The following LIPH variants were observed in gnomAD, a reference collection of about 807,000 sequenced individuals.
LIPH encodes lipase H, also known as lipase member H.
A neutral mutation model predicts 47.6 loss-of-function variants in LIPH; 32 were observed. The ratio of observed to expected loss-of-function variants is 0.67; its 90% CI spans 0.51 to 0.90. The LOEUF is 0.90. LIPH is among the 40% of genes least tolerant of loss of function. The pLI is 0.00. For missense variants in LIPH, 497 were observed against 541.4 expected (o/e 0.92, Z 0.81); for synonymous variants, 190 against 195.6 (o/e 0.97, Z 0.24).
intron 6 of LIPH, 79 bp downstream of exon 6, chr3:185,519,063 A>C: frequency 8.1e-7 from 1 of 1,235,526 alleles, no homozygotes; most frequent in Non-Finnish European, 1.2e-6. Context: ...GCCAGTTTTT[A>C]CATGATAAAG....
chr3:185,541,733 G>C (rs1389996127), intron 1 of LIPH, among the ~76,000 whole-genome samples: 1 of 147,450 alleles, frequency 6.8e-6, no homozygotes, highest in Non-Finnish European at 1.5e-5. Flanking sequence ...TTGGTTTTTG[G>C]TGTTTTATTT....
At chr3:185,510,656 G>A (rs559892668) in intron 9 of LIPH, among the ~76,000 whole-genome samples, 5 of 152,282 alleles carry the variant, frequency 3.3e-5, no homozygotes, top group African/African-American at 1.2e-4. Flanking sequence ...AAAGGCGGGC[G>A]GATACTTGAG....
intron 4 of LIPH, among the ~76,000 whole-genome samples, chr3:185,526,552 G>A (rs149334470): frequency 0.022 from 1,942 of 89,914 alleles, 24 homozygotes; most frequent in African/African-American, 0.046. Flanking sequence ...AATAAAATAA[G>A]ATAAGATAAG....
chr3:185,509,191 T>C (rs977055249), intron 9 of LIPH, among the ~76,000 whole-genome samples: 2 of 151,682 alleles, frequency 1.3e-5, no homozygotes, highest in Non-Finnish European at 2.9e-5. Context: ...CTCAGGAGGC[T>C]AAGGCAGTAC....
chr3:185,515,307 TAA>T (rs1553820561), intron 7 of LIPH, among the ~76,000 whole-genome samples: 1 of 145,882 alleles, frequency 6.9e-6, no homozygotes. Context: ...TGGGTTTTTT[TAA>T]AAAAAAAAAA....
At position 185,514,801 on chromosome 3, in the gene LIPH, T is replaced by C. The variant is rs536335136; in HGVS notation, c.983-280A>G. On this transcript the variant is annotated intron_variant, in intron 7 of 9. Coordinates refer to ENST00000296252, the MANE Select transcript of LIPH (RefSeq NM_139248.3). ...AGGTATTGTGAAGTCTTAGGGCTTA[T>C]GGCTGAGTGTGGTTCACATCAATTC... Among the ~76,000 whole-genome samples the C allele has an allele frequency of 5.3e-5, 8 of 152,344 alleles. No individual in the cohort carries two copies. In the South Asian group the frequency reaches 1.7e-3, roughly 32 times the overall value.
At position 185,531,706 on chromosome 3, in the gene LIPH, T is replaced by A. The variant is rs1720337466; in HGVS notation, c.526+1865A>T. Reference sequence around the variant, plus strand: ...GGCCAACCTGGGCAACAACATGAGATCCCATCACTAAATTAAAAAAATTAA... The same window carrying A: ...GGCCAACCTGGGCAACAACATGAGAACCCATCACTAAATTAAAAAAATTAA... On this transcript the variant is annotated intron_variant, in intron 3 of 9. Transcript: ENST00000296252. Among the ~76,000 whole-genome samples the A allele has an allele frequency of 5.9e-5, 9 of 151,676 alleles. 1 individual carries two copies. In the South Asian group the frequency reaches 1.9e-3, roughly 32 times the overall value.
At chr3:185,527,100 G>T (rs954534980) in intron 4 of LIPH, among the ~76,000 whole-genome samples, 2 of 152,096 alleles carry the variant, frequency 1.3e-5, no homozygotes, top group East Asian at 1.9e-4. Flanking sequence ...TTAGCCAGGC[G>T]TGGCGGCGTG....
At chr3:185,523,018 A>T (rs937307076) in intron 5 of LIPH, among the ~76,000 whole-genome samples, 5 of 152,182 alleles carry the variant, frequency 3.3e-5, no homozygotes, top group Admixed American at 6.5e-5. Context: ...TTACTCTCTG[A>T]AAATGTGACT....
intron 3 of LIPH, among the ~76,000 whole-genome samples, chr3:185,529,917 A>G (rs928699220): frequency 5.1e-5 from 2 of 39,488 alleles, no homozygotes; most frequent in Non-Finnish European, 1.2e-4. Flanking sequence ...AAAGAAAGAA[A>G]GAAAGAAAGA....
At chr3:185,526,159 G>A (rs544618009) in intron 4 of LIPH, among the ~76,000 whole-genome samples, 4 of 151,708 alleles carry the variant, frequency 2.6e-5, no homozygotes, top group South Asian at 2.1e-4. Flanking sequence ...TGGGAGGATC[G>A]ATTGATCAGC....
chr3:185,507,524 C>T lies in LIPH; in HGVS notation c.*1266G>A, dbSNP rs1719418033. The T allele has an allele frequency of 6.6e-6, 1 of 152,218 alleles. No homozygotes were observed. The highest frequency in any genetic ancestry group is 2.4e-5 in the African/African-American group (1 of 41,448). 9.4% of individuals were successfully genotyped at this position (152,218 alleles called of 1,614,324 possible). A position where few individuals can be genotyped will look rare whatever the true frequency, so the allele number is the denominator to read the frequency against. On this transcript the variant is annotated 3_prime_UTR_variant, in exon 10 of 10. Coordinates refer to ENST00000296252, the MANE Select transcript of LIPH (RefSeq NM_139248.3). ...ACAGCCATGGGACAGATCATGCCTC[C>T]CCTCACACTGGGCATCTGGCCCCAG...
In LIPH at chr3:185,509,648, A is replaced by T. The variant is rs374045568; in HGVS notation, c.1269-771T>A. Among the ~76,000 whole-genome samples the T allele has an allele frequency of 1.6e-4, 25 of 152,326 alleles. No homozygotes were observed. The South Asian group carries it at 4.8e-3, about 29-fold the overall frequency. The stretch of plus-strand genomic sequence containing the variant: ...ACTCCGTACCAAAAAAGAAAGAAAG[A>T]TGTAAAATTGTATTTACCATGTAAG... On this transcript the variant is annotated intron_variant, in intron 9 of 9. Coordinates refer to ENST00000296252, the MANE Select transcript of LIPH (RefSeq NM_139248.3).
At position 185,519,301 on chromosome 3, in the gene LIPH, A is replaced by G; in HGVS notation, c.727T>C (p.Tyr243His). 1 of 1,611,916 alleles carries G rather than the reference A, an allele frequency of 6.2e-7. No homozygotes were observed. The highest frequency in any genetic ancestry group is 1.7e-5 in the Admixed American group (1 of 60,024). ...GACCTCTGGTGGTCACATTTAAAAT[A>G]CTGAAATCCTTGGTTGTAAAAGAAG... ...CPKTILGGFQ[Y>H]FKCDHQRSVY... is the part of the protein sequence containing the mutation. Residue 243 changes from tyrosine (Y) to histidine (H), a missense_variant, in exon 6 of 10, where the codon TAT becomes CAT. Tyr to His is a moderately conservative substitution (Grantham distance 83). Transcript: ENST00000296252.
chr3:185,528,040 T>C (rs754288193), intron 3 of LIPH, among the ~76,000 whole-genome samples: 68 of 151,522 alleles, frequency 4.5e-4, no homozygotes, highest in Admixed American at 2.6e-3. Context: ...CTGGCCAACA[T>C]GGTGAAATCC....
At position 185,508,599 on chromosome 3, in the gene LIPH, C is replaced by T; in HGVS notation, c.*191G>A. The T allele has an allele frequency of 1.7e-6, 1 of 603,184 alleles. No individual in the cohort carries two copies. The highest frequency in any genetic ancestry group is 3.0e-6 in the Non-Finnish European group (1 of 337,456). 37.4% of individuals were successfully genotyped at this position (603,184 alleles called of 1,614,324 possible). ...ATTTCTGACTTGCCCTAGTTAGGGGCTCCTTCCCAGGATCGTTTTATAATC... is the reference window on the plus strand; with the variant it reads ...ATTTCTGACTTGCCCTAGTTAGGGGTTCCTTCCCAGGATCGTTTTATAATC... On this transcript the variant is annotated 3_prime_UTR_variant, in exon 10 of 10. Transcript: ENST00000296252.
Position 185,533,619 on chromosome 3 carries a change from A to T in LIPH, c.478T>A (p.Ser160Thr). 1.2e-6 allele frequency: 2 copies of T among 1,614,018 alleles called. No individual in the cohort carries two copies. Among genetic ancestry groups the T allele is most frequent in the Non-Finnish European group, 1.7e-6 (2 of 1,179,932 alleles). ...MIGVSLGAHI[S>T]GFVGEMYDGW... Reference sequence around the variant, plus strand: ...TCGTACATCTCTCCAACAAACCCAGATATGTGGGCTCCTAGACTTACTCCG... The same window carrying T: ...TCGTACATCTCTCCAACAAACCCAGTTATGTGGGCTCCTAGACTTACTCCG... The change falls in exon 3 of 10, where the codon TCT (serine) becomes ACT (threonine). Residue 160 changes from serine (S) to threonine (T), a missense_variant. Coordinates refer to ENST00000296252, the MANE Select transcript of LIPH (RefSeq NM_139248.3).
At chr3:185,545,469 C>T (rs1004021153) in intron 1 of LIPH, among the ~76,000 whole-genome samples, 2 of 152,106 alleles carry the variant, frequency 1.3e-5, no homozygotes, top group Non-Finnish European at 2.9e-5. Flanking sequence ...ATATATTGTC[C>T]ACGGCTACTT....
chr3:185,548,992 C>T (rs919105815), intron 1 of LIPH, among the ~76,000 whole-genome samples: 1 of 150,940 alleles, frequency 6.6e-6, no homozygotes, highest in African/African-American at 2.4e-5. Context: ...ATTAGCTGGG[C>T]GTGGTGGTGG....
Sources: gnomAD v4.1 joint callset for allele counts (sites outside exome capture counted in the v4.1 genomes callset) on GRCh38, gnomAD v4.1.1 for gene constraint, MANE v1.5 for transcripts, NCBI Gene and HGNC (gene_info 2026-07-23, HGNC 2026-07-21) for gene names.